Variants in EPHA5 observed in about 807,000 individuals in gnomAD.
EPHA5 encodes the protein EPH receptor A5, also known as ephrin type-A receptor 5.
Under a neutral mutation model 105.0 loss-of-function variants are expected in EPHA5, and 60 were observed. The observed-to-expected ratio is 0.57, with a 90% CI of 0.46 to 0.71. EPHA5 has a LOEUF of 0.71. EPHA5 is among the 30% of genes least tolerant of loss of function. The pLI, the probability that EPHA5 is intolerant of heterozygous loss-of-function variation, is 0.00. For missense variants in EPHA5, 1,218 were observed against 1,274.7 expected (o/e 0.96, Z 0.68); for synonymous variants, 513 against 449.1 (o/e 1.14, Z -1.80).
At chr4:65,391,145 G>A (rs777153063) in intron 8 of EPHA5, among the ~76,000 whole-genome samples, 11 of 152,028 alleles carry the variant, frequency 7.2e-5, no homozygotes, top group Non-Finnish European at 1.6e-4. Context: ...AGGGGAAACT[G>A]CCCCCATGAT....
chr4:65,582,062 C>T (rs1040597930), intron 3 of EPHA5, among the ~76,000 whole-genome samples: 2 of 151,650 alleles, frequency 1.3e-5, no homozygotes, highest in African/African-American at 4.8e-5. Flanking sequence ...TGGTCCTCCT[C>T]CTCAATCCCT....
intron 8 of EPHA5, among the ~76,000 whole-genome samples, chr4:65,392,532 A>C (rs1720821275): frequency 6.6e-6 from 1 of 152,156 alleles, no homozygotes; most frequent in Admixed American, 6.6e-5. Flanking sequence ...AATTTATAAA[A>C]GTTATTGCTG....
At chr4:65,472,346 G>T (rs1729368428) in intron 5 of EPHA5, among the ~76,000 whole-genome samples, 1 of 152,130 alleles carries the variant, frequency 6.6e-6, no homozygotes. Context: ...ATTGTTGGTG[G>T]ATCTACCATT....
chr4:65,555,322 T>G (rs75174550), intron 3 of EPHA5, among the ~76,000 whole-genome samples: 6 of 152,046 alleles, frequency 3.9e-5, no homozygotes, highest in East Asian at 3.9e-4. Flanking sequence ...ATGAATGAAA[T>G]CATTCATTTG....
At chr4:65,535,445 A>T (rs1347599018) in intron 3 of EPHA5, among the ~76,000 whole-genome samples, 1 of 152,124 alleles carries the variant, frequency 6.6e-6, no homozygotes, top group African/African-American at 2.4e-5. Flanking sequence ...AGAGTTTCTG[A>T]CTACATTCAA....
Position 65,321,147 on chromosome 4 carries a change from T to G in EPHA5, c.*2967A>C, listed in dbSNP as rs1380251312. 1.3e-5 allele frequency: 3 copies of G among 230,598 alleles called. No individual in the cohort carries two copies. The highest frequency in any genetic ancestry group is 6.6e-5 in the African/African-American group (3 of 45,170). 14.3% of individuals were successfully genotyped at this position (230,598 alleles called of 1,614,324 possible). ...TGAAAATTACTCCCTGTACCAATTTTTCAAAGTCCAATACTGTGAAAGACT... is the reference window on the plus strand; with the variant it reads ...TGAAAATTACTCCCTGTACCAATTTGTCAAAGTCCAATACTGTGAAAGACT... On this transcript the variant is annotated 3_prime_UTR_variant, in exon 17 of 17. Transcript: ENST00000613740.
intron 4 of EPHA5, among the ~76,000 whole-genome samples, chr4:65,491,071 A>C (rs1018235373): frequency 6.6e-6 from 1 of 152,004 alleles, no homozygotes; most frequent in African/African-American, 2.4e-5. Context: ...ATGTTTCCTC[A>C]TTGGTGCTAA....
chr4:65,642,939 G>A (rs1747795099), intron 2 of EPHA5, among the ~76,000 whole-genome samples: 1 of 151,684 alleles, frequency 6.6e-6, no homozygotes, highest in South Asian at 2.1e-4. Context: ...AAATTAAATT[G>A]GTCCCAGCGT....
At chr4:65,551,867 C>T (rs1339799062) in intron 3 of EPHA5, among the ~76,000 whole-genome samples, 11 of 152,046 alleles carry the variant, frequency 7.2e-5, no homozygotes, top group African/African-American at 2.7e-4. Context: ...TCATCAGAAG[C>T]TAATGGTTAA....
Position 65,348,745 on chromosome 4 carries a change from GTGCA to G in EPHA5, c.2446-546_2446-543del, listed in dbSNP as rs1722500177. On this transcript the variant is annotated intron_variant, in intron 13 of 16. Transcript: ENST00000613740. Reference sequence around the variant, plus strand: ...TATATGTGTGTGTATATATATGTGTGTGCATATATATATGTGTATATATATGTGT... The same window carrying G: ...TATATGTGTGTGTATATATATGTGTGTATATATATGTGTATATATATGTGT... Among the ~76,000 whole-genome samples the G allele has an allele frequency of 1.3e-4, 13 of 99,052 alleles. No individual in the cohort carries two copies. In the Admixed American group the frequency reaches 1.6e-3, roughly 12 times the overall value. The allele number at this position is 99,052 out of a possible 152,430, so 65.0% of individuals were successfully genotyped here.
At chr4:65,555,642 A>T (rs1391416359) in intron 3 of EPHA5, among the ~76,000 whole-genome samples, 1 of 140,858 alleles carries the variant, frequency 7.1e-6, no homozygotes, top group African/African-American at 3.2e-5. Flanking sequence ...ATTTTAACAC[A>T]TTTTTCGAAG....
chr4:65,333,233 T>G (rs1431094946), intron 15 of EPHA5, among the ~76,000 whole-genome samples: 1 of 151,712 alleles, frequency 6.6e-6, no homozygotes, highest in Non-Finnish European at 1.5e-5. Context: ...TTAAGTAAAT[T>G]GCAACTATAA....
chr4:65,571,919 TAC>T (rs1740232748), intron 3 of EPHA5, among the ~76,000 whole-genome samples: 1 of 152,106 alleles, frequency 6.6e-6, no homozygotes, highest in African/African-American at 2.4e-5. Context: ...ACCTGTTATA[TAC>T]AGTTATATAT....
In EPHA5 at chr4:65,594,015, T is replaced by G. The variant is rs188493208; in HGVS notation, c.910+7626A>C. ...CGATCGAATTTCTCTGTACACACTT[T>G]TCCCATGAGAGCTGTTCTGTTTTAT... On this transcript the variant is annotated intron_variant, in intron 3 of 16. Coordinates refer to ENST00000613740, the MANE Select transcript of EPHA5 (RefSeq NM_001281766.3). Among the ~76,000 whole-genome samples the G allele has an allele frequency of 9.1e-4, 138 of 152,336 alleles. 1 individual carries two copies. Among genetic ancestry groups the G allele is most frequent in the African/African-American group, 2.9e-3 (120 of 41,580 alleles).
intron 14 of EPHA5, among the ~76,000 whole-genome samples, chr4:65,339,638 A>G (rs2148821220): frequency 6.6e-6 from 1 of 152,292 alleles, no homozygotes; most frequent in African/African-American, 2.4e-5. Context: ...CATACATTTA[A>G]GAAAAAGTGA....
At chr4:65,410,657 T>C (rs766623924) in intron 7 of EPHA5, among the ~76,000 whole-genome samples, 1 of 152,198 alleles carries the variant, frequency 6.6e-6, no homozygotes, top group Non-Finnish European at 1.5e-5. Flanking sequence ...GTTGTGATAT[T>C]ATACTATGGT....
chr4:65,323,988 GGCAAA>G lies in EPHA5; in HGVS notation c.*121_*125del. The G allele has an allele frequency of 3.3e-6, 2 of 615,318 alleles. No homozygotes were observed. Among genetic ancestry groups the G allele is most frequent in the South Asian group, 4.2e-5 (2 of 47,312 alleles). 38.1% of individuals were successfully genotyped at this position (615,318 alleles called of 1,614,324 possible). ...CCATGATTACAAATTCTGTGGCTGAGGCAAATGTTTTCTAAGGTTTAGAAATCACT... is the reference window on the plus strand; with the variant it reads ...CCATGATTACAAATTCTGTGGCTGAGTGTTTTCTAAGGTTTAGAAATCACT... On this transcript the variant is annotated 3_prime_UTR_variant, in exon 17 of 17. Transcript: ENST00000613740.
chr4:65,503,815 A>T (rs1732728546), intron 3 of EPHA5, among the ~76,000 whole-genome samples: 1 of 151,604 alleles, frequency 6.6e-6, no homozygotes, highest in African/African-American at 2.4e-5. Context: ...TCACATATTT[A>T]GAAACACACT....
chr4:65,404,835 C>G (rs1330835919), intron 7 of EPHA5, among the ~76,000 whole-genome samples: 1 of 151,930 alleles, frequency 6.6e-6, no homozygotes, highest in Non-Finnish European at 1.5e-5. Flanking sequence ...TAGGAGGTGC[C>G]AGGTATATAA....
Sources: gnomAD v4.1 joint callset for allele counts (sites outside exome capture counted in the v4.1 genomes callset) on GRCh38, gnomAD v4.1.1 for gene constraint, MANE v1.5 for transcripts, NCBI Gene and HGNC (gene_info 2026-07-23, HGNC 2026-07-21) for gene names.